PSMB4: variants seen among roughly 807,000 people sequenced by gnomAD.
The protein encoded by PSMB4 is proteasome subunit beta type-4.
A neutral mutation model predicts 35.2 loss-of-function variants in PSMB4; 16 were observed. That is an observed-to-expected ratio of 0.45 (90% CI 0.31 to 0.69). PSMB4 has a LOEUF of 0.69. Ranked by LOEUF, PSMB4 falls within the 30% of genes least tolerant of loss-of-function variation. The pLI, the probability that PSMB4 is intolerant of heterozygous loss-of-function variation, is 0.06. For synonymous variants in PSMB4, 144 were observed against 134.1 expected (o/e 1.07, Z -0.51); for missense variants, 333 against 351.8 (o/e 0.95, Z 0.43).
In PSMB4 at chr1:151,400,864, G is replaced by C; in HGVS notation, c.576+19G>C. ...GGCTCAGGTAAGTAGTAAGTCTAGA[G>C]GTGGGGGAAAGGGAAGACAAAAGGA... On this transcript the variant is annotated intron_variant, in intron 4 of 6. Coordinates refer to ENST00000290541, the MANE Select transcript of PSMB4 (RefSeq NM_002796.3). The C allele has an allele frequency of 1.2e-6, 2 of 1,604,234 alleles. No individual in the cohort carries two copies. The highest frequency in any genetic ancestry group is 1.7e-6 in the Non-Finnish European group (2 of 1,171,060).
At position 151,400,075 on chromosome 1, in the gene PSMB4, G is replaced by A; in HGVS notation, c.235G>A (p.Ala79Thr). 1 of 1,614,146 alleles carries A rather than the reference G, an allele frequency of 6.2e-7. No homozygotes were observed. Among genetic ancestry groups the A allele is most frequent in the South Asian group, 1.1e-5 (1 of 91,082 alleles). ...ADMLGSYGSLARFRNISRIMR... is the reference protein window; with the variant it reads ...ADMLGSYGSLTRFRNISRIMR... The stretch of plus-strand genomic sequence containing the variant: ...CATGCTGGGATCCTACGGCTCCTTG[G>A]CTCGTTTCCGCAACATCTCTCGCAT... The change falls in exon 2 of 7, where the codon GCT becomes ACT. Residue 79 changes from alanine (A) to threonine (T), a missense_variant. Ala to Thr is a moderately conservative substitution (Grantham distance 58, BLOSUM62 0). Transcript: ENST00000290541.
In PSMB4 at chr1:151,400,649, C is replaced by G. The variant is rs1652777782; in HGVS notation, c.494+61C>G. ...ACCCAACCTAGTACCTGTGTAGTATCTCTTCTGTCTCTTCTCCCCAAGTGA... is the reference window on the plus strand; with the variant it reads ...ACCCAACCTAGTACCTGTGTAGTATGTCTTCTGTCTCTTCTCCCCAAGTGA... On this transcript the variant is annotated intron_variant, in intron 3 of 6. Coordinates refer to ENST00000290541, the MANE Select transcript of PSMB4 (RefSeq NM_002796.3). The G allele has an allele frequency of 6.2e-7, 1 of 1,611,136 alleles. No individual in the cohort carries two copies. Among genetic ancestry groups the G allele is most frequent in the African/African-American group, 1.3e-5 (1 of 74,802 alleles).
intron 4 of PSMB4, 23 bp downstream of exon 4, chr1:151,400,868 G>A: frequency 6.3e-7 from 1 of 1,598,248 alleles, no homozygotes; most frequent in Non-Finnish European, 8.6e-7. Context: ...TCTAGAGGTG[G>A]GGGAAAGGGA....
intron 5 of PSMB4, 56 bp from the exon 6 acceptor site, chr1:151,401,486 C>T: frequency 2.6e-6 from 4 of 1,531,908 alleles, no homozygotes; most frequent in Non-Finnish European, 2.7e-6. Flanking sequence ...CTCCACCTGA[C>T]CTTTCATTTA....
chr1:151,401,601 G>C lies in PSMB4; in HGVS notation c.753G>C (p.Glu251Asp). 6.2e-7 allele frequency: 1 copy of C among 1,611,688 alleles called. No homozygotes were observed. The highest frequency in any genetic ancestry group is 8.5e-7 in the Non-Finnish European group (1 of 1,177,794). ...GVEIEGPLST[E>D]TNWDIAHMIS... The stretch of plus-strand genomic sequence containing the variant: ...AAATAGAGGGACCATTGTCTACAGA[G>C]ACCAACTGGGATATTGCCCACATGA... The change falls in exon 6 of 7, where the codon GAG (glutamate) becomes GAC (aspartate). Residue 251 changes from glutamate to aspartate, a missense_variant. Transcript: ENST00000290541.
intron 6 of PSMB4, 29 bp downstream of exon 6, chr1:151,401,659 G>A: frequency 6.4e-7 from 1 of 1,568,156 alleles, no homozygotes; most frequent in Non-Finnish European, 8.8e-7. Context: ...ATTGGTGACA[G>A]ACTTGGGAGG....
At chr1:151,400,648 T>G in intron 3 of PSMB4, 60 bp downstream of exon 3, 2 of 1,611,538 alleles carry the variant, frequency 1.2e-6, no homozygotes, top group Non-Finnish European at 1.7e-6. Context: ...CTGTGTAGTA[T>G]CTCTTCTGTC....
chr1:151,401,150 ACT>A, intron 4 of PSMB4, 87 bp from the exon 5 acceptor site: 1 of 1,104,692 alleles, frequency 9.1e-7, no homozygotes, highest in Non-Finnish European at 1.4e-6. Flanking sequence ...GTCATCTTTC[ACT>A]CTAATGCTTT....
At chr1:151,400,358 G>T in intron 2 of PSMB4, 84 bp from the exon 3 acceptor site, 2 of 1,534,002 alleles carry the variant, frequency 1.3e-6, no homozygotes, top group South Asian at 1.2e-5. Context: ...TGTAAAATGG[G>T]GGAAGGTGTG....
intron 4 of PSMB4, 181 bp from the exon 5 acceptor site, chr1:151,401,058 G>A: frequency 5.3e-6 from 4 of 761,320 alleles, no homozygotes; most frequent in South Asian, 1.6e-5. Context: ...TGCAAAGAGA[G>A]GACACCCTAG....
chr1:151,401,438 C>G, intron 5 of PSMB4, 83 bp downstream of exon 5: 1 of 1,536,784 alleles, frequency 6.5e-7, no homozygotes, highest in South Asian at 1.1e-5. Context: ...AACAGATTGC[C>G]TTACTTGTGT....
At position 151,399,997 on chromosome 1, in the gene PSMB4, G is replaced by C; in HGVS notation, c.157G>C (p.Gly53Arg). The change falls in exon 2 of 7, where the codon GGG becomes CGG. Residue 53 changes from glycine (G) to arginine (R), a missense_variant. Transcript: ENST00000290541. ...ITRTQNPMVT[G>R]TSVLGVKFEG... ...ACTCTTTAGGAACCCCATGGTGACC[G>C]GGACCTCAGTCCTCGGCGTTAAGTT... 1 of 1,613,898 alleles carries C rather than the reference G, an allele frequency of 6.2e-7. No individual in the cohort carries two copies. The highest frequency in any genetic ancestry group is 2.2e-5 in the East Asian group (1 of 44,882).
At chr1:151,401,052 AAG>A (rs1652806775) in intron 4 of PSMB4, 185 bp from the exon 5 acceptor site, 10 of 760,512 alleles carry the variant, frequency 1.3e-5, no homozygotes, top group South Asian at 8.0e-5. Flanking sequence ...TAGACATGCA[AAG>A]AGAGGACACC....
intron 5 of PSMB4, 79 bp downstream of exon 5, chr1:151,401,434 T>C: frequency 1.3e-6 from 2 of 1,537,078 alleles, no homozygotes; most frequent in African/African-American, 2.7e-5. Flanking sequence ...GAAGAACAGA[T>C]TGCCTTACTT....
Position 151,401,361 on chromosome 1 carries a change from G to A in PSMB4, c.693+6G>A. 1.9e-6 allele frequency: 3 copies of A among 1,613,596 alleles called. No homozygotes were observed. Among genetic ancestry groups the A allele is most frequent in the Non-Finnish European group, 2.5e-6 (3 of 1,179,570 alleles). On this transcript the variant is annotated splice_donor_region_variant and intron_variant, in intron 5 of 6. Transcript: ENST00000290541. ...ATGCCCGTTCTTACAACCGGGTGAG[G>A]GATGTGCTGGGAACCTAATTGGCGG... is the stretch of plus-strand genomic sequence containing the variant.
rs753664008 is a variant in PSMB4 at position 151,400,572 on chromosome 1, T to C, written c.478T>C (p.Tyr160His). 4.3e-6 allele frequency: 7 copies of C among 1,614,020 alleles called. No homozygotes were observed. The highest frequency in any genetic ancestry group is 5.9e-6 in the Non-Finnish European group (7 of 1,180,048). The change falls in exon 3 of 7, where the codon TAT becomes CAT. Residue 160 changes from tyrosine (Y) to histidine (H), a missense_variant. Physicochemically the swap from Tyr to His is moderately conservative, Grantham distance 83. Transcript: ENST00000290541. Reference protein sequence around the residue: ...PLWNTMVIGGYADGESFLGYV... With the variant: ...PLWNTMVIGGHADGESFLGYV... ...GTGGAACACCATGGTCATCGGAGGC[T>C]ATGCTGATGGAGAGAGGTTCATATG...
chr1:151,400,940 G>T, intron 4 of PSMB4, 95 bp downstream of exon 4: 1 of 1,289,396 alleles, frequency 7.8e-7, no homozygotes, highest in Non-Finnish European at 1.1e-6. Flanking sequence ...TATGAGGGAT[G>T]GGCTGGGATC....
At position 151,400,445 on chromosome 1, in the gene PSMB4, T is replaced by G. The variant is rs933171351; in HGVS notation, c.351T>G (p.Ile117Met). Residue 117 changes from isoleucine to methionine, a missense_variant, in exon 3 of 7, where the codon ATT (isoleucine) becomes ATG (methionine). Ile to Met is a conservative substitution (Grantham distance 10, BLOSUM62 1). Coordinates refer to ENST00000290541, the MANE Select transcript of PSMB4 (RefSeq NM_002796.3). ...CTCACAACCAATTCCTTTTAAGGATTGATGAGGAGCTTCTGGGAGATGGAC... is the reference window on the plus strand; with the variant it reads ...CTCACAACCAATTCCTTTTAAGGATGGATGAGGAGCTTCTGGGAGATGGAC... ...YLKQVLGQMV[I>M]DEELLGDGHS... The G allele has an allele frequency of 1.9e-6, 3 of 1,612,716 alleles. No homozygotes were observed. In the African/African-American group the frequency reaches 4.0e-5, roughly 22 times the overall value.
At position 151,401,612 on chromosome 1, in the gene PSMB4, A is replaced by T. The variant is rs1403552029; in HGVS notation, c.764A>T (p.Asp255Val). ...CCATTGTCTACAGAGACCAACTGGG[A>T]TATTGCCCACATGATCAGGTGAGTA... ...EGPLSTETNW[D>V]IAHMISGFE Residue 255 changes from aspartate (D) to valine (V), a missense_variant, in exon 6 of 7, where the codon GAT (aspartate) becomes GTT (valine). Asp to Val is a radical substitution (Grantham distance 152). Transcript: ENST00000290541. 6.2e-7 allele frequency: 1 copy of T among 1,609,726 alleles called. No homozygotes were observed. The highest frequency in any genetic ancestry group is 1.1e-5 in the South Asian group (1 of 90,980).
Sources: allele counts gnomAD v4.1 joint callset, GRCh38; gene constraint gnomAD v4.1.1; transcripts MANE v1.5; gene names NCBI Gene and HGNC (gene_info 2026-07-23, HGNC 2026-07-21).